Variants in RANBP2 observed in about 807,000 individuals in gnomAD.
The protein encoded by RANBP2 is RAN binding protein 2.
In RANBP2, 57 loss-of-function variants were observed where a neutral mutation model predicts 303.6. That is an observed-to-expected ratio of 0.19 (90% CI 0.15 to 0.23). The LOEUF (loss-of-function observed/expected upper bound fraction) is 0.23. Ranked by LOEUF, RANBP2 falls within the 10% of genes least tolerant of loss-of-function variation. RANBP2 has a pLI of 1.00. For synonymous variants in RANBP2, 1,167 were observed against 1,301.5 expected (o/e 0.90, Z 2.23); for missense variants, 3,138 against 3,780.8 (o/e 0.83, Z 4.46).
chr2:108,908,159 C>T, the RANBP2 span: 2 of 933,592 alleles, frequency 2.1e-6, no homozygotes, highest in East Asian at 2.7e-5. Context: ...TTACTGGGCA[C>T]CTTGTGGGCA....
the RANBP2 span, among the ~76,000 whole-genome samples, chr2:108,964,560 A>G: frequency 1.3e-5 from 2 of 152,234 alleles, no homozygotes; most frequent in Non-Finnish European, 2.9e-5. Context: ...CACAGTCACC[A>G]GTGACTGAAA....
At chr2:108,990,437 CAAAAAAA>C in the RANBP2 span, among the ~76,000 whole-genome samples, 1 of 70,646 alleles carries the variant, frequency 1.4e-5, no homozygotes, top group Non-Finnish European at 2.6e-5. Context: ...GACTCCGTCT[CAAAAAAA>C]AAAAAAAAAA....
chr2:108,868,950 T>A, the RANBP2 span, among the ~76,000 whole-genome samples: 1 of 152,178 alleles, frequency 6.6e-6, no homozygotes, highest in Non-Finnish European at 1.5e-5. Flanking sequence ...ATAAGTTGGA[T>A]TTTCTCTACG....
At chr2:108,758,588 T>G in intron 18 of RANBP2, 40 bp downstream of exon 18, 2 of 1,610,356 alleles carry the variant, frequency 1.2e-6, no homozygotes, top group Non-Finnish European at 1.7e-6. Context: ...TTAGTAAAAC[T>G]ACTTTACTTC....
chr2:109,508,860 G>A, the RANBP2 span, among the ~76,000 whole-genome samples: 2 of 152,210 alleles, frequency 1.3e-5, no homozygotes, highest in Non-Finnish European at 2.9e-5. Context: ...AAGGCAAGCC[G>A]TGTGGGTAGT....
At chr2:109,610,227 T>C in the RANBP2 span, among the ~76,000 whole-genome samples, 5 of 152,026 alleles carry the variant, frequency 3.3e-5, no homozygotes, top group African/African-American at 9.7e-5. Context: ...TAGTTGGGAC[T>C]ACAGGCGCAT....
chr2:108,877,905 A>G, the RANBP2 span, among the ~76,000 whole-genome samples: 1 of 152,208 alleles, frequency 6.6e-6, no homozygotes, highest in Non-Finnish European at 1.5e-5. Flanking sequence ...AGGAAAAACC[A>G]GACTAGCCTT....
At chr2:109,490,743 G>C in the RANBP2 span, 6 of 1,536,348 alleles carry the variant, frequency 3.9e-6, no homozygotes, top group East Asian at 1.5e-4. Context: ...AGTGGGCCCC[G>C]AAGTGTCCTC....
chr2:108,754,533 CAGTT>C (rs1217840173), intron 15 of RANBP2, among the ~76,000 whole-genome samples: 2 of 149,686 alleles, frequency 1.3e-5, no homozygotes, highest in Admixed American at 6.6e-5. Flanking sequence ...CATTGAAAAT[CAGTT>C]AGAAAACATC....
the RANBP2 span, among the ~76,000 whole-genome samples, chr2:109,091,657 G>GC: frequency 6.6e-6 from 1 of 152,202 alleles, no homozygotes; most frequent in African/African-American, 2.4e-5. Context: ...TGGTTTGGTA[G>GC]CCCCCTCCAG....
At chr2:108,952,284 G>A in the RANBP2 span, among the ~76,000 whole-genome samples, 1 of 152,178 alleles carries the variant, frequency 6.6e-6, no homozygotes, top group Non-Finnish European at 1.5e-5. Flanking sequence ...ATGTGAAGGG[G>A]ACTGGGAGAT....
chr2:108,862,091 T>TA, the RANBP2 span, among the ~76,000 whole-genome samples: 5 of 151,184 alleles, frequency 3.3e-5, no homozygotes, highest in East Asian at 1.9e-4. Context: ...TTTTTTTTTT[T>TA]ATTTGTTGAG....
rs1164664766 is a variant in RANBP2 at position 108,772,543 on chromosome 2, GC to G, written c.8076del (p.Ser2693GlnfsTer37). The G allele has an allele frequency of 6.2e-7, 1 of 1,613,696 alleles. No individual in the cohort carries two copies. The highest frequency in any genetic ancestry group is 8.5e-7 in the Non-Finnish European group (1 of 1,179,840). ...CTTAATGGAAAACTATATTTGGATG[GC>G]TCAGAAAAATGTAGACCCTTGGAAG... ...KKLNGKLYLD[G>X]SEKCRPLEEN... On this transcript the variant is annotated frameshift_variant, in exon 22 of 29. Coordinates refer to ENST00000283195, the MANE Select transcript of RANBP2 (RefSeq NM_006267.5). LOFTEE classifies it high-confidence loss of function.
At chr2:109,143,946 G>T in the RANBP2 span, among the ~76,000 whole-genome samples, 1 of 152,194 alleles carries the variant, frequency 6.6e-6, no homozygotes, top group African/African-American at 2.4e-5. Flanking sequence ...ACAAGCCACA[G>T]ACACAGAAAG....
chr2:109,048,431 C>G, the RANBP2 span, among the ~76,000 whole-genome samples: 1 of 152,150 alleles, frequency 6.6e-6, no homozygotes, highest in Admixed American at 6.5e-5. Context: ...AGTTTTGAGT[C>G]TTTATCTACA....
the RANBP2 span, among the ~76,000 whole-genome samples, chr2:109,520,512 A>T: frequency 1.0e-4 from 15 of 150,324 alleles, no homozygotes; most frequent in Non-Finnish European, 1.9e-4. Context: ...AGGCAGAAGA[A>T]TCGCTGGAAC....
the RANBP2 span, among the ~76,000 whole-genome samples, chr2:109,032,721 C>G: frequency 6.6e-6 from 1 of 152,196 alleles, no homozygotes; most frequent in African/African-American, 2.4e-5. Flanking sequence ...ACTCCTGTAG[C>G]AACTCACAGA....
chr2:108,766,991 T>G lies in RANBP2; in HGVS notation c.6452T>G (p.Leu2151Arg). The change falls in exon 20 of 29, where the codon CTT becomes CGT. Residue 2151 changes from leucine (L) to arginine (R), a missense_variant. Physicochemically the swap from Leu to Arg is moderately radical, Grantham distance 102. This residue lies in a region of RANBP2 where 103 missense variants were observed against 214.3 expected (regional missense o/e 0.48). Transcript: ENST00000283195. ...CAGCGGCTTCTGTTAGACATACCAC[T>G]TCAAACTCCCCATAAACTTGTAGAT... The part of the protein sequence containing the change: ...ECQRLLLDIP[L>R]QTPHKLVDTG... The G allele has an allele frequency of 6.2e-7, 1 of 1,609,504 alleles. No individual in the cohort carries two copies.
At chr2:109,668,064 C>T in the RANBP2 span, 5,731 of 154,768 alleles carry the variant, frequency 0.037, 344 homozygotes, top group African/African-American at 0.13. Flanking sequence ...TCAAACACCA[C>T]GGTGCTTGTG....
Sources: gnomAD v4.1 joint callset for allele counts (sites outside exome capture counted in the v4.1 genomes callset) on GRCh38, gnomAD v4.1.1 for gene constraint, gnomAD v4.1.1 regional missense constraint, MANE v1.5 for transcripts, NCBI Gene and HGNC (gene_info 2026-07-23, HGNC 2026-07-21) for gene names.